The following ARHGEF10L variants were observed in gnomAD, a reference collection of about 807,000 sequenced individuals.
ARHGEF10L encodes Rho guanine nucleotide exchange factor 10 like.
ARHGEF10L carries 69 observed loss-of-function variants against 141.2 expected under a neutral mutation model. The observed-to-expected ratio is 0.49, with a 90% CI of 0.40 to 0.60. The LOEUF (loss-of-function observed/expected upper bound fraction) is 0.60, where lower values mean the gene tolerates loss of function less well. Among genes scored for constraint, ARHGEF10L ranks in the 20% least tolerant of loss-of-function variants. The pLI is 0.00. For synonymous variants in ARHGEF10L, 711 were observed against 718.5 expected, an observed-to-expected ratio of 0.99 and a Z score of 0.17; for missense variants, 1,482 against 1,734.3, an observed-to-expected ratio of 0.85 and a Z score of 2.58.
At chr1:17,526,263 G>A in the ARHGEF10L span, among the ~76,000 whole-genome samples, 1 of 152,178 alleles carries the variant, frequency 6.6e-6, no homozygotes, top group Admixed American at 6.5e-5. Context: ...CGATATTCAG[G>A]GGACTGGCCA....
chr1:17,695,227 G>A lies in ARHGEF10L; in HGVS notation c.3254G>A (p.Gly1085Asp). 1 of 1,610,180 alleles carries A rather than the reference G, an allele frequency of 6.2e-7. No individual in the cohort carries two copies. Among genetic ancestry groups the A allele is most frequent in the South Asian group, 1.1e-5 (1 of 90,556 alleles). Reference protein sequence around the residue: ...QGLLWVGTDQGVIVLLPVPRL... With the variant: ...QGLLWVGTDQDVIVLLPVPRL... ...CTGCTCTGGGTGGGCACTGACCAGG[G>A]TGTCATCGTCCTGCTGCCCGTGCCT... Residue 1085 changes from glycine to aspartate, a missense_variant, in exon 28 of 29, where the codon GGT (glycine) becomes GAT (aspartate). Physicochemically the swap from Gly to Asp is moderately conservative, Grantham distance 94. Coordinates refer to ENST00000361221, the MANE Select transcript of ARHGEF10L (RefSeq NM_018125.4).
rs77809576 is a variant in ARHGEF10L, at chr1:17,549,556, A to G, written c.-44+9606A>G. On this transcript the variant is annotated intron_variant, in intron 1 of 28. Coordinates refer to ENST00000361221, the MANE Select transcript of ARHGEF10L (RefSeq NM_018125.4). ...TTTAAGCCAGACCTGAATGACAAGC[A>G]GGAGCTCCCCCTGCAAGGATCTGAG... is the stretch of plus-strand genomic sequence containing the variant. Among the ~76,000 whole-genome samples the G allele has an allele frequency of 4.8e-3, 734 of 152,250 alleles. 8 individuals carry two copies. Among genetic ancestry groups the G allele is most frequent in the African/African-American group, 0.017 (693 of 41,526 alleles).
At chr1:17,556,243 G>A (rs1570443193) in intron 1 of ARHGEF10L, among the ~76,000 whole-genome samples, 1 of 120,982 alleles carries the variant, frequency 8.3e-6, no homozygotes, top group South Asian at 3.2e-4. Context: ...GAGCCTGGGA[G>A]CATAGAGGTG....
chr1:17,521,740 G>T, the ARHGEF10L span, among the ~76,000 whole-genome samples: 1 of 152,134 alleles, frequency 6.6e-6, no homozygotes, highest in Non-Finnish European at 1.5e-5. Flanking sequence ...CAGGGAGTGT[G>T]GTTCTAGTGC....
At chr1:17,529,867 T>C in the ARHGEF10L span, among the ~76,000 whole-genome samples, 2 of 146,834 alleles carry the variant, frequency 1.4e-5, no homozygotes, top group Non-Finnish European at 3.0e-5. Flanking sequence ...AATCTTGCTC[T>C]TGTTGCCTAG....
chr1:17,662,743 C>T (rs2102144898), intron 25 of ARHGEF10L, among the ~76,000 whole-genome samples: 1 of 152,180 alleles, frequency 6.6e-6, no homozygotes, highest in African/African-American at 2.4e-5. Context: ...GTGACCACAC[C>T]CCAGCAGTGG....
At chr1:17,696,630 C>T (rs897329541) in intron 28 of ARHGEF10L, among the ~76,000 whole-genome samples, 10 of 152,158 alleles carry the variant, frequency 6.6e-5, no homozygotes, top group African/African-American at 1.7e-4. Flanking sequence ...GAGGCTCCCC[C>T]GTGTGGTGTA....
the ARHGEF10L span, among the ~76,000 whole-genome samples, chr1:17,523,822 C>T: frequency 6.6e-6 from 1 of 152,176 alleles, no homozygotes; most frequent in East Asian, 1.9e-4. Context: ...AGTGCAGGGG[C>T]TGGTGATTTA....
intron 1 of ARHGEF10L, among the ~76,000 whole-genome samples, chr1:17,559,300 C>A (rs1460551919): frequency 6.6e-6 from 1 of 152,186 alleles, no homozygotes; most frequent in Non-Finnish European, 1.5e-5. Flanking sequence ...AGTATCGACA[C>A]AAGGCAGCTT....
At chr1:17,686,106 CTT>C (rs981055264) in intron 26 of ARHGEF10L, among the ~76,000 whole-genome samples, 22 of 99,332 alleles carry the variant, frequency 2.2e-4, no homozygotes, top group African/African-American at 7.2e-4. Context: ...TTCTTTCTTT[CTT>C]TTTTTTTTGC....
chr1:17,673,856 G>A lies in ARHGEF10L; in HGVS notation c.3009+9261G>A, dbSNP rs1406144632. Among the ~76,000 whole-genome samples, 1 of 152,164 alleles carries A rather than the reference G, an allele frequency of 6.6e-6. No individual in the cohort carries two copies. The highest frequency in any genetic ancestry group is 1.5e-5 in the Non-Finnish European group (1 of 68,040). On this transcript the variant is annotated intron_variant, in intron 26 of 28. Coordinates refer to ENST00000361221, the MANE Select transcript of ARHGEF10L (RefSeq NM_018125.4). This position sits in a 1 kb window ranked among gnomAD's most constrained non-coding sequence, Gnocchi z 4.1. Reference sequence around the variant, plus strand: ...GCAGGTCCCAGGGCTGTGCCTGGTGGGAGGAAGCACCACGTGTCAGTTGTT... The same window carrying A: ...GCAGGTCCCAGGGCTGTGCCTGGTGAGAGGAAGCACCACGTGTCAGTTGTT...
intron 1 of ARHGEF10L, among the ~76,000 whole-genome samples, chr1:17,575,581 G>A (rs887336235): frequency 2.0e-5 from 3 of 152,320 alleles, no homozygotes; most frequent in East Asian, 3.9e-4. Flanking sequence ...GCCCGGAGCC[G>A]ATGAGATCCG....
Position 17,602,159 on chromosome 1 carries a change from C to A in ARHGEF10L, c.290C>A (p.Ala97Glu), listed in dbSNP as rs140059332. Residue 97 changes from alanine (A) to glutamate (E), a missense_variant, in exon 5 of 29, where the codon GCG becomes GAG. Ala to Glu is a moderately radical substitution (Grantham distance 107). Around this residue, in one of 3 missense-constraint regions of ARHGEF10L, gnomAD observed 232 missense variants for 225.9 expected, o/e 1.03. Transcript: ENST00000361221. ...GCCTGGGTGAGCAATGGGGATGCAG[C>A]GGACGCAGCCTTCTCCGGGGCCCGG... ...VPAWVSNGDA[A>E]DAAFSGARHS... 278 of 1,581,972 alleles carry A rather than the reference C, an allele frequency of 1.8e-4. 2 individuals carry two copies. The highest frequency in any genetic ancestry group is 1.5e-3 in the South Asian group (133 of 86,424).
chr1:17,676,206 G>C (rs1178336119), intron 26 of ARHGEF10L, among the ~76,000 whole-genome samples: 6 of 147,462 alleles, frequency 4.1e-5, no homozygotes, highest in Non-Finnish European at 9.0e-5. Context: ...GCAGGCATAG[G>C]TGCAGGTGTG....
intron 11 of ARHGEF10L, among the ~76,000 whole-genome samples, chr1:17,622,247 C>T (rs1014812086): frequency 1.3e-5 from 2 of 152,162 alleles, no homozygotes; most frequent in Admixed American, 1.3e-4. Flanking sequence ...ACTCTGGAAG[C>T]CCCTGGGGCT....
the ARHGEF10L span, among the ~76,000 whole-genome samples, chr1:17,514,125 CTTTTTTTTTTTTTTTTTT>C: frequency 6.4e-4 from 26 of 40,480 alleles, 1 homozygote; most frequent in African/African-American, 2.5e-3. Context: ...CACCCAGCCT[CTTTTTTTTTTTTTTTTTT>C]TTTTTTTTTT....
chr1:17,657,982 C>T (rs1034851940), intron 25 of ARHGEF10L, among the ~76,000 whole-genome samples: 14 of 152,194 alleles, frequency 9.2e-5, no homozygotes, highest in African/African-American at 2.7e-4. Flanking sequence ...CATGTAGCGT[C>T]GCATATCCTA....
rs2080703807 is a variant in ARHGEF10L at position 17,601,772 on chromosome 1, G to A, written c.258-355G>A. On this transcript the variant is annotated intron_variant, in intron 4 of 28. Transcript: ENST00000361221. ...AGTCCTTGTTTCTTTCAAGAGGCAGGGATCCCCCAGCCTGCCCCTTCTGTT... is the reference window on the plus strand; with the variant it reads ...AGTCCTTGTTTCTTTCAAGAGGCAGAGATCCCCCAGCCTGCCCCTTCTGTT... Among the ~76,000 whole-genome samples the A allele has an allele frequency of 2.0e-5, 3 of 152,264 alleles. No homozygotes were observed. The South Asian group carries it at 6.2e-4, about 32-fold the overall frequency.
At chr1:17,694,648 C>CGG (rs1236901224) in intron 27 of ARHGEF10L, 10 of 324,954 alleles carry the variant, frequency 3.1e-5, no homozygotes, top group Non-Finnish European at 5.4e-5. Context: ...AGCACCCACA[C>CGG]GGGCAGGCCC....
Sources: gnomAD v4.1 joint callset for allele counts (sites outside exome capture counted in the v4.1 genomes callset) on GRCh38, gnomAD v4.1.1 for gene constraint, gnomAD v4.1.1 regional missense constraint, Gnocchi (gnomAD v3.1) non-coding constraint, MANE v1.5 for transcripts, NCBI Gene and HGNC (gene_info 2026-07-23, HGNC 2026-07-21) for gene names.